CCT5: variants seen among roughly 807,000 people sequenced by gnomAD.
CCT5 encodes chaperonin containing TCP1 subunit 5.
A neutral mutation model predicts 55.0 loss-of-function variants in CCT5; 6 were observed. That is an observed-to-expected ratio of 0.11 (90% confidence interval 0.06 to 0.22). The LOEUF is 0.22. Among genes scored for constraint, CCT5 ranks in the 10% least tolerant of loss-of-function variants. The pLI, the probability that CCT5 is intolerant of heterozygous loss-of-function variation, is 1.00. For missense variants in CCT5, 560 were observed against 694.6 expected, an observed-to-expected ratio of 0.81 and a Z score of 2.18; for synonymous variants, 231 against 243.7, an observed-to-expected ratio of 0.95 and a Z score of 0.49.
chr5:10,264,186 A>T (rs1746115067), intron 10 of CCT5, among the ~76,000 whole-genome samples: 1 of 152,128 alleles, frequency 6.6e-6, no homozygotes, highest in South Asian at 2.1e-4. Context: ...GAGGCAGGAG[A>T]ATCGCTTGAA....
chr5:10,258,359 T>C, intron 5 of CCT5, 27 bp from the exon 6 acceptor site: 2 of 1,614,088 alleles, frequency 1.2e-6, no homozygotes, highest in Non-Finnish European at 1.7e-6. Context: ...ATTCCACCAA[T>C]TAAAATGTCT....
At chr5:10,254,982 G>A in intron 3 of CCT5, 144 bp downstream of exon 3, 1 of 634,872 alleles carries the variant, frequency 1.6e-6, no homozygotes, top group Non-Finnish European at 2.7e-6. Context: ...CAAAACAAAT[G>A]TCGGACTTTC....
chr5:10,249,929 AAAAAAC>A (rs1336633842), upstream of CCT5: 13,543 of 826,152 alleles, frequency 0.016, 1,184 homozygotes, highest in East Asian at 0.039. Context: ...AAAAAAAAAA[AAAAAAC>A]CGGAAATGGG....
chr5:10,259,536 C>A (rs1189427674), intron 6 of CCT5, among the ~76,000 whole-genome samples: 1 of 152,198 alleles, frequency 6.6e-6, no homozygotes, highest in Admixed American at 6.5e-5. Flanking sequence ...AAGGTGGGTA[C>A]AGCTCCATTA....
At chr5:10,250,553 G>A (rs918925644) in intron 1 of CCT5, 108 bp downstream of exon 1, 75 of 1,534,708 alleles carry the variant, frequency 4.9e-5, no homozygotes, top group Non-Finnish European at 5.1e-5. Flanking sequence ...TCCCCGGAAA[G>A]GTCGAGAATC....
intron 8 of CCT5, chr5:10,262,095 A>T (rs1459424193): frequency 7.6e-6 from 3 of 393,270 alleles, no homozygotes; most frequent in African/African-American, 2.1e-5. Flanking sequence ...CATAAGACTC[A>T]TTTTAATTAC....
At chr5:10,259,901 A>T (rs1235345124) in intron 6 of CCT5, among the ~76,000 whole-genome samples, 1 of 152,172 alleles carries the variant, frequency 6.6e-6, no homozygotes, top group Non-Finnish European at 1.5e-5. Flanking sequence ...GTAAAATGTT[A>T]AAGAATGAGA....
intron 4 of CCT5, 37 bp downstream of exon 4, chr5:10,256,190 G>A (rs767243014): frequency 6.4e-7 from 1 of 1,566,192 alleles, no homozygotes; most frequent in Non-Finnish European, 8.7e-7. Context: ...CCCATTTGTA[G>A]AGGAGGCAGT....
chr5:10,265,863 A>C lies in CCT5; in HGVS notation c.*1080A>C, dbSNP rs555822064. On this transcript the variant is annotated 3_prime_UTR_variant, in exon 11 of 11. Coordinates refer to ENST00000280326, the MANE Select transcript of CCT5 (RefSeq NM_012073.5). ...GATAAAGCTCATGATGAACTTTATC[A>C]CTAGTTATGCCACCTTAACTAGTCA... 1 of 152,286 alleles carries C rather than the reference A, an allele frequency of 6.6e-6. No homozygotes were observed. The highest frequency in any genetic ancestry group is 1.5e-5 in the Non-Finnish European group (1 of 68,024). The allele number at this position is 152,286 out of a possible 1,614,324, so 9.4% of individuals were successfully genotyped here.
In CCT5 at chr5:10,266,159, TCTAG is replaced by T. The variant is rs1746221922; in HGVS notation, c.*1378_*1381del. The T allele has an allele frequency of 6.6e-6, 1 of 152,178 alleles. No homozygotes were observed. Among genetic ancestry groups the T allele is most frequent in the African/African-American group, 2.4e-5 (1 of 41,442 alleles). The allele number at this position is 152,178 out of a possible 1,614,324, so 9.4% of individuals were successfully genotyped here. ...ACTGAGTTTATTTACAAGGACTGAG[TCTAG>T]CCTACAGAGAACATACAGCAGCCTT... is the stretch of plus-strand genomic sequence containing the variant. On this transcript the variant is annotated 3_prime_UTR_variant, in exon 11 of 11. Transcript: ENST00000280326.
Position 10,261,619 on chromosome 5 carries a change from G to A in CCT5, c.1053G>A (p.Glu351=), listed in dbSNP as rs2126514947. Residue 351 remains glutamate, a synonymous_variant, in exon 8 of 11, where the codon GAG becomes GAA. Transcript: ENST00000280326. ...IVPRFSELTA[E]KLGFAGLVQE... ...CCAGGTTCTCAGAGCTCACAGCCGA[G>A]AAGCTGGGCTTTGCTGGTCTTGTAC... 6.2e-7 allele frequency: 1 copy of A among 1,614,216 alleles called. No homozygotes were observed. The highest frequency in any genetic ancestry group is 1.1e-5 in the South Asian group (1 of 91,084).
At chr5:10,251,708 C>G (rs1745429619) in intron 1 of CCT5, among the ~76,000 whole-genome samples, 1 of 152,182 alleles carries the variant, frequency 6.6e-6, no homozygotes, top group African/African-American at 2.4e-5. Flanking sequence ...AGAGGGGCTG[C>G]ACAGTGGTTG....
Position 10,258,440 on chromosome 5 carries a change from C to G in CCT5, c.778C>G (p.Pro260Ala), listed in dbSNP as rs765737541. 6.2e-7 allele frequency: 1 copy of G among 1,614,154 alleles called. No individual in the cohort carries two copies. Among genetic ancestry groups the G allele is most frequent in the South Asian group, 1.1e-5 (1 of 91,084 alleles). Residue 260 changes from proline to alanine, a missense_variant, in exon 6 of 11, where the codon CCA (proline) becomes GCA (alanine). Transcript: ENST00000280326. ...ILTCPFEPPKPKTKHKLDVTS... is the reference protein window; with the variant it reads ...ILTCPFEPPKAKTKHKLDVTS... ...CACATGTCCATTTGAACCACCCAAACCAAAAACAAAGCATAAGCTGGATGT... is the reference window on the plus strand; with the variant it reads ...CACATGTCCATTTGAACCACCCAAAGCAAAAACAAAGCATAAGCTGGATGT...
At chr5:10,264,118 C>G (rs1426157439) in intron 10 of CCT5, among the ~76,000 whole-genome samples, 1 of 151,678 alleles carries the variant, frequency 6.6e-6, no homozygotes, top group Admixed American at 6.6e-5. Flanking sequence ...ACAAAAAATA[C>G]AAAATTAGCC....
Position 10,250,317 on chromosome 5 carries a change from G to A in CCT5, c.-24G>A, listed in dbSNP as rs1257200723. On this transcript the variant is annotated 5_prime_UTR_variant, in exon 1 of 11. Coordinates refer to ENST00000280326, the MANE Select transcript of CCT5 (RefSeq NM_012073.5). The stretch of plus-strand genomic sequence containing the variant: ...CCGTAGCGGTCTCCGCCGGTTGGGG[G>A]GAAGTAATTCCGGTTGTTGCACCAT... 2 of 1,613,772 alleles carry A rather than the reference G, an allele frequency of 1.2e-6. No individual in the cohort carries two copies. Among genetic ancestry groups the A allele is most frequent in the Non-Finnish European group, 1.7e-6 (2 of 1,180,028 alleles).
rs747916999 is a variant in CCT5, at chr5:10,250,410, C to A, written c.70C>A (p.Arg24Ser). The change falls in exon 1 of 11, where the codon CGC (arginine) becomes AGC (serine). Residue 24 changes from arginine (R) to serine (S), a missense_variant. By Grantham distance (110) the Arg-to-Ser change is moderately radical. Transcript: ENST00000280326. Reference protein sequence around the residue: ...RPFLIIKDQDRKSRLMGLEAL... With the variant: ...RPFLIIKDQDSKSRLMGLEAL... ...TTTCCTCATCATCAAGGATCAGGACCGCAAGTCCCGTCTTATGGGACTTGA... is the reference window on the plus strand; with the variant it reads ...TTTCCTCATCATCAAGGATCAGGACAGCAAGTCCCGTCTTATGGGACTTGA... The A allele has an allele frequency of 1.2e-6, 2 of 1,613,992 alleles. No homozygotes were observed. The highest frequency in any genetic ancestry group is 1.7e-5 in the Admixed American group (1 of 60,016).
intron 3 of CCT5, among the ~76,000 whole-genome samples, chr5:10,255,280 T>TA (rs1466877209): frequency 6.6e-6 from 1 of 152,214 alleles, no homozygotes; most frequent in African/African-American, 2.4e-5. Flanking sequence ...TCTCAAATAG[T>TA]TGAACAGAAA....
Position 10,263,613 on chromosome 5 carries a change from G to C in CCT5, c.1498+299G>C, listed in dbSNP as rs2244964. ...AATGCCTTATTGCTGTTTTTACACAGATGTCTGTCAGTGGGCAGCATATAT... is the reference window on the plus strand; with the variant it reads ...AATGCCTTATTGCTGTTTTTACACACATGTCTGTCAGTGGGCAGCATATAT... On this transcript the variant is annotated intron_variant, in intron 10 of 10. Transcript: ENST00000280326. Among the ~76,000 whole-genome samples, 4 of 152,096 alleles carry C rather than the reference G, an allele frequency of 2.6e-5. No individual in the cohort carries two copies. In the South Asian group the frequency reaches 8.3e-4, roughly 31 times the overall value.
intron 9 of CCT5, 22 bp downstream of exon 9, chr5:10,262,640 A>G: frequency 4.3e-6 from 7 of 1,613,718 alleles, no homozygotes; most frequent in Non-Finnish European, 5.1e-6. Context: ...GTGCAGACTT[A>G]GTGAAAGATT....
Sources: gnomAD v4.1 joint callset for allele counts (sites outside exome capture counted in the v4.1 genomes callset) on GRCh38, gnomAD v4.1.1 for gene constraint, MANE v1.5 for transcripts, NCBI Gene and HGNC (gene_info 2026-07-23, HGNC 2026-07-21) for gene names.